Variants in PANK1 observed in about 807,000 individuals in gnomAD.
PANK1 encodes pantothenate kinase 1, also known as pantothenic acid kinase 1.
Under a neutral mutation model 40.1 loss-of-function variants are expected in PANK1, and 18 were observed. The observed-to-expected ratio is 0.45, with a 90% CI of 0.31 to 0.67. The LOEUF (loss-of-function observed/expected upper bound fraction) is 0.67, where lower values mean the gene tolerates loss of function less well. PANK1 is among the 30% of genes least tolerant of loss of function. PANK1 has a pLI of 0.06. For missense variants in PANK1, 457 were observed against 599.6 expected, an observed-to-expected ratio of 0.76 and a Z score of 2.48; for synonymous variants, 242 against 237.7, an observed-to-expected ratio of 1.02 and a Z score of -0.17.
In PANK1 at chr10:89,623,834, T is replaced by C. The variant is rs1845579218; in HGVS notation, c.293-11786A>G. ...CTCCCAAGAGCAAAGTTATTCAGCC[T>C]GTTAGACGCTTGATACCACAAGGGT... is the stretch of plus-strand genomic sequence containing the variant. On this transcript the variant is annotated intron_variant, in intron 1 of 6. Coordinates refer to ENST00000307534, the MANE Select transcript of PANK1 (RefSeq NM_148977.3). Among the ~76,000 whole-genome samples, 4 of 152,182 alleles carry C rather than the reference T, an allele frequency of 2.6e-5. No individual in the cohort carries two copies. The South Asian group carries it at 8.3e-4, about 31-fold the overall frequency.
Position 89,584,296 on chromosome 10 carries a change from T to A in PANK1, c.*110A>T, listed in dbSNP as rs1844124601. ...TAAATTATTTACAAATCCAGCAGGT[T>A]CATCTGCCATAATGGCTTGGCTTCC... On this transcript the variant is annotated 3_prime_UTR_variant, in exon 7 of 7. Transcript: ENST00000307534. The A allele has an allele frequency of 1.4e-6, 1 of 691,888 alleles. No individual in the cohort carries two copies. Among genetic ancestry groups the A allele is most frequent in the Non-Finnish European group, 2.7e-6 (1 of 376,012 alleles). The allele number at this position is 691,888 out of a possible 1,614,324, so 42.9% of individuals were successfully genotyped here.
intron 2 of PANK1, among the ~76,000 whole-genome samples, chr10:89,607,970 C>A (rs936151865): frequency 6.6e-6 from 1 of 151,242 alleles, no homozygotes. Flanking sequence ...TTTGATAACT[C>A]ATTGATTTTG....
intron 4 of PANK1, 117 bp downstream of exon 4, chr10:89,593,696 C>A (rs539406952): frequency 6.0e-5 from 45 of 754,092 alleles, no homozygotes; most frequent in Non-Finnish European, 8.5e-5. Context: ...AGCTCTGATA[C>A]AACAGGTATC....
At chr10:89,629,912 A>C (rs1316658476) in intron 1 of PANK1, among the ~76,000 whole-genome samples, 1 of 152,200 alleles carries the variant, frequency 6.6e-6, no homozygotes, top group Non-Finnish European at 1.5e-5. Context: ...GCTGAATACT[A>C]AAAATACCTA....
At position 89,583,892 on chromosome 10, in the gene PANK1, A is replaced by G. The variant is rs1248897728; in HGVS notation, c.*514T>C. ...ACAACTAAAACAGAAAAACAAGACA[A>G]AAAAGGGTACAAAACAAATAACAAA... On this transcript the variant is annotated 3_prime_UTR_variant, in exon 7 of 7. Transcript: ENST00000307534. 2 of 152,750 alleles carry G rather than the reference A, an allele frequency of 1.3e-5. No homozygotes were observed. Among genetic ancestry groups the G allele is most frequent in the African/African-American group, 4.8e-5 (2 of 41,456 alleles). 9.5% of individuals were successfully genotyped at this position (152,750 alleles called of 1,614,324 possible).
chr10:89,595,311 T>C (rs958711097), intron 3 of PANK1, among the ~76,000 whole-genome samples: 6 of 149,294 alleles, frequency 4.0e-5, no homozygotes, highest in African/African-American at 9.9e-5. Context: ...ATTAGCCAGG[T>C]GTGGTGGCTG....
At chr10:89,628,358 A>G (rs1841533234) in intron 1 of PANK1, among the ~76,000 whole-genome samples, 1 of 152,274 alleles carries the variant, frequency 6.6e-6, no homozygotes, top group Non-Finnish European at 1.5e-5. Context: ...AAAAAAGGAC[A>G]AAATACTAAT....
chr10:89,635,190 G>C (rs978148689), intron 1 of PANK1, among the ~76,000 whole-genome samples: 1 of 152,002 alleles, frequency 6.6e-6, no homozygotes, highest in African/African-American at 2.4e-5. Context: ...AAATAAGACT[G>C]GTATTAATAG....
chr10:89,605,667 A>G (rs1844940710), intron 2 of PANK1, among the ~76,000 whole-genome samples: 1 of 152,186 alleles, frequency 6.6e-6, no homozygotes, highest in African/African-American at 2.4e-5. Context: ...CATGAGGCTG[A>G]AATTCACTTC....
At position 89,644,917 on chromosome 10, in the gene PANK1, G is replaced by C; in HGVS notation, c.-26C>G. On this transcript the variant is annotated 5_prime_UTR_variant, in exon 1 of 7. Transcript: ENST00000307534. ...GCCGGGGGCTGGCGGGGCTGTGCGC[G>C]GGCCCCGGCTCAGGCGGCCTCGCTG... 1.3e-6 allele frequency: 2 copies of C among 1,541,130 alleles called. No individual in the cohort carries two copies. The highest frequency in any genetic ancestry group is 1.7e-6 in the Non-Finnish European group (2 of 1,148,494).
intron 2 of PANK1, among the ~76,000 whole-genome samples, chr10:89,608,464 A>G (rs748913917): frequency 2.0e-4 from 30 of 152,368 alleles, no homozygotes; most frequent in Non-Finnish European, 3.7e-4. Flanking sequence ...ACACAGGTCT[A>G]ATTTAATGAT....
intron 2 of PANK1, among the ~76,000 whole-genome samples, chr10:89,604,894 G>A (rs1221540865): frequency 1.3e-5 from 2 of 151,670 alleles, no homozygotes; most frequent in Admixed American, 1.3e-4. Context: ...GGGACTACAG[G>A]TGCCTGCCAC....
chr10:89,594,052 A>C, intron 3 of PANK1, 63 bp from the exon 4 acceptor site: 1 of 1,181,830 alleles, frequency 8.5e-7, no homozygotes, highest in Non-Finnish European at 1.3e-6. Flanking sequence ...CAAGTCCCCA[A>C]CTACGTCAAG....
intron 1 of PANK1, chr10:89,626,662 G>A (rs1838940231): frequency 1.3e-5 from 2 of 152,076 alleles, no homozygotes. Flanking sequence ...CCACAGTTTT[G>A]ACCATGCAGG....
At chr10:89,621,892 T>G (rs1467542899) in intron 1 of PANK1, among the ~76,000 whole-genome samples, 1 of 152,198 alleles carries the variant, frequency 6.6e-6, no homozygotes, top group Non-Finnish European at 1.5e-5. Flanking sequence ...TTTTGTAGTT[T>G]TAGTAGAGAC....
chr10:89,622,239 TA>T (rs1845507017), intron 1 of PANK1, among the ~76,000 whole-genome samples: 1 of 152,234 alleles, frequency 6.6e-6, no homozygotes, highest in African/African-American at 2.4e-5. Context: ...AACCCATAAT[TA>T]TCACACACAG....
rs551745315 is a variant in PANK1 at position 89,633,328 on chromosome 10, C to T, written c.292+11272G>A. On this transcript the variant is annotated intron_variant, in intron 1 of 6. Transcript: ENST00000307534. ...TGGTCCTAGCATAATTAATGGTACCCCTACCACTCTTTAAAAGTGTTAATG... is the reference window on the plus strand; with the variant it reads ...TGGTCCTAGCATAATTAATGGTACCTCTACCACTCTTTAAAAGTGTTAATG... Among the ~76,000 whole-genome samples the T allele has an allele frequency of 3.3e-5, 5 of 152,176 alleles. No homozygotes were observed. In the South Asian group the frequency reaches 1.0e-3, roughly 32 times the overall value.
chr10:89,636,858 A>T (rs1310373340), intron 1 of PANK1, among the ~76,000 whole-genome samples: 1 of 147,684 alleles, frequency 6.8e-6, no homozygotes, highest in Non-Finnish European at 1.5e-5. Context: ...GCCACACCAG[A>T]GCACCCCTCT....
chr10:89,616,191 T>C (rs1845308843), intron 1 of PANK1, among the ~76,000 whole-genome samples: 1 of 152,206 alleles, frequency 6.6e-6, no homozygotes, highest in Non-Finnish European at 1.5e-5. Context: ...TTCAAAATGG[T>C]TTTCACTCTG....
Sources: allele counts gnomAD v4.1 joint callset (sites outside exome capture counted in the v4.1 genomes callset), GRCh38; gene constraint gnomAD v4.1.1; transcripts MANE v1.5; gene names NCBI Gene and HGNC (gene_info 2026-07-23, HGNC 2026-07-21).